The following ATG5 variants were observed in gnomAD, a reference collection of about 807,000 sequenced individuals.
ATG5 encodes autophagy protein 5.
A neutral mutation model predicts 36.5 loss-of-function variants in ATG5; 14 were observed. That is an observed-to-expected ratio of 0.38 (90% confidence interval 0.25 to 0.60). The LOEUF is 0.60. Among genes scored for constraint, ATG5 ranks in the 20% least tolerant of loss-of-function variants. The pLI is 0.60. For synonymous variants in ATG5, 95 were observed against 101.5 expected (o/e 0.94, Z 0.38); for missense variants, 195 against 326.7 (o/e 0.60, Z 3.11).
At chr6:106,275,708 T>C (rs1196416065) in intron 5 of ATG5, among the ~76,000 whole-genome samples, 2 of 152,242 alleles carry the variant, frequency 1.3e-5, no homozygotes, top group East Asian at 1.9e-4. Flanking sequence ...AATGCAGTTA[T>C]TAGACTAAGT....
intron 5 of ATG5, among the ~76,000 whole-genome samples, chr6:106,256,071 A>G (rs1778788094): frequency 6.6e-6 from 1 of 152,232 alleles, no homozygotes; most frequent in Non-Finnish European, 1.5e-5. Context: ...AGCCAAAGTC[A>G]TAAGGTAAAA....
At chr6:106,263,311 G>C (rs1212735256) in intron 5 of ATG5, among the ~76,000 whole-genome samples, 1 of 152,172 alleles carries the variant, frequency 6.6e-6, no homozygotes, top group Non-Finnish European at 1.5e-5. Context: ...CATTGGGCAG[G>C]GCATCTCTGA....
At chr6:106,199,412 T>C (rs1776332696) in intron 7 of ATG5, among the ~76,000 whole-genome samples, 2 of 152,182 alleles carry the variant, frequency 1.3e-5, no homozygotes, top group African/African-American at 4.8e-5. Flanking sequence ...CTTGCTTCAA[T>C]ACGGATGCAA....
At chr6:106,294,845 G>GAAAAAAAA (rs1219794619) in intron 3 of ATG5, among the ~76,000 whole-genome samples, 2 of 85,966 alleles carry the variant, frequency 2.3e-5, no homozygotes, top group African/African-American at 8.4e-5. Context: ...CTTTTCTCAA[G>GAAAAAAAA]AAAAAAAAAA....
chr6:106,322,279 T>A (rs1041668743), intron 1 of ATG5, among the ~76,000 whole-genome samples: 4 of 152,194 alleles, frequency 2.6e-5, no homozygotes, highest in Non-Finnish European at 5.9e-5. Context: ...ATATAATGCA[T>A]AATAGTTTCT....
intron 2 of ATG5, among the ~76,000 whole-genome samples, chr6:106,311,567 G>C (rs923776237): frequency 6.6e-6 from 1 of 152,192 alleles, no homozygotes; most frequent in African/African-American, 2.4e-5. Context: ...GCACATTTGA[G>C]TGAAGTCTAA....
chr6:106,201,302 T>C (rs1387267189), intron 7 of ATG5, among the ~76,000 whole-genome samples: 1 of 152,034 alleles, frequency 6.6e-6, no homozygotes, highest in African/African-American at 2.4e-5. Context: ...TGTGTGTGTG[T>C]GTGTCTCAAC....
intron 2 of ATG5, among the ~76,000 whole-genome samples, chr6:106,315,411 G>A (rs758754259): frequency 4.6e-5 from 7 of 152,212 alleles, no homozygotes; most frequent in Admixed American, 6.5e-5. Flanking sequence ...ATCTCTGACA[G>A]AGGCATAAAC....
chr6:106,306,178 A>G (rs146606201), intron 3 of ATG5, among the ~76,000 whole-genome samples: 3 of 152,360 alleles, frequency 2.0e-5, no homozygotes, highest in Non-Finnish European at 4.4e-5. Flanking sequence ...ATAAATACTG[A>G]CAAAGTAAGA....
At chr6:106,186,798 C>T in intron 7 of ATG5, 122 bp from the exon 8 acceptor site, 2 of 1,155,942 alleles carry the variant, frequency 1.7e-6, no homozygotes, top group African/African-American at 1.6e-5. Context: ...GTCCCCTGAA[C>T]AGGAAATGTG....
At chr6:106,292,153 T>A (rs1451382330) in intron 4 of ATG5, among the ~76,000 whole-genome samples, 1 of 152,138 alleles carries the variant, frequency 6.6e-6, no homozygotes, top group Non-Finnish European at 1.5e-5. Context: ...CAAGACCAGT[T>A]CAAGCACCTG....
intron 4 of ATG5, among the ~76,000 whole-genome samples, chr6:106,287,238 C>T (rs2114617561): frequency 6.6e-6 from 1 of 152,300 alleles, no homozygotes; most frequent in Admixed American, 6.5e-5. Flanking sequence ...TGATAAATTC[C>T]TTCAAAGAAA....
intron 3 of ATG5, among the ~76,000 whole-genome samples, chr6:106,300,264 T>G (rs1186975481): frequency 2.0e-5 from 3 of 152,128 alleles, no homozygotes; most frequent in Non-Finnish European, 4.4e-5. Flanking sequence ...CACAAAAAAT[T>G]TTAATCTCCT....
intron 5 of ATG5, among the ~76,000 whole-genome samples, chr6:106,251,437 CAG>C (rs577672496): frequency 1.1e-4 from 17 of 151,000 alleles, no homozygotes; most frequent in African/African-American, 4.1e-4. Context: ...ACTCTTTTAT[CAG>C]AGTTTATTAA....
At chr6:106,291,314 G>C (rs1451871317) in intron 4 of ATG5, among the ~76,000 whole-genome samples, 1 of 152,184 alleles carries the variant, frequency 6.6e-6, no homozygotes, top group African/African-American at 2.4e-5. Flanking sequence ...TTTACTCTAA[G>C]TGTGTGGTTA....
At chr6:106,236,616 A>G (rs902625005) in intron 6 of ATG5, among the ~76,000 whole-genome samples, 5 of 152,158 alleles carry the variant, frequency 3.3e-5, no homozygotes, top group African/African-American at 1.2e-4. Flanking sequence ...TCATGTGCTT[A>G]TTAGCCATTC....
chr6:106,319,430 T>C lies in ATG5; in HGVS notation c.-58-3164A>G, dbSNP rs372586400. 3.5e-4 allele frequency among the ~76,000 whole-genome samples: 54 copies of C among 152,342 alleles called. 1 individual carries two copies. The highest frequency in any genetic ancestry group is 1.3e-3 in the African/African-American group (54 of 41,592). On this transcript the variant is annotated intron_variant, in intron 1 of 7. Coordinates refer to ENST00000369076, the MANE Select transcript of ATG5 (RefSeq NM_004849.4). ...ATATGCCTAGCTGTGTGGCAGGTGC[T>C]AGAAGAAGAATAATGGACTTTTAAA...
At chr6:106,217,777 T>A (rs773987090) in intron 6 of ATG5, among the ~76,000 whole-genome samples, 50 of 152,186 alleles carry the variant, frequency 3.3e-4, no homozygotes, top group Non-Finnish European at 6.6e-4. Flanking sequence ...ACAATGTAAG[T>A]ACCTATTTCC....
At chr6:106,264,675 G>A (rs912825307) in intron 5 of ATG5, among the ~76,000 whole-genome samples, 1 of 152,220 alleles carries the variant, frequency 6.6e-6, no homozygotes, top group African/African-American at 2.4e-5. Context: ...GAAGACAGTG[G>A]GAGCCAATAT....
Sources: gnomAD v4.1 joint callset for allele counts (sites outside exome capture counted in the v4.1 genomes callset) on GRCh38, gnomAD v4.1.1 for gene constraint, MANE v1.5 for transcripts, NCBI Gene and HGNC (gene_info 2026-07-23, HGNC 2026-07-21) for gene names.